Variants in ZNF773 observed in about 807,000 individuals in gnomAD.
ZNF773 encodes the protein zinc finger protein 773.
ZNF773 carries 11 observed loss-of-function variants against 12.8 expected under a neutral mutation model. The ratio of observed to expected loss-of-function variants is 0.86; its 90% CI spans 0.54 to 1.42. The LOEUF (loss-of-function observed/expected upper bound fraction) is 1.42. Among genes scored for constraint, ZNF773 ranks in the 40% most tolerant of loss-of-function variants. The pLI, the probability that ZNF773 is intolerant of heterozygous loss-of-function variation, is 0.00. For synonymous variants in ZNF773, 175 were observed against 178.4 expected (o/e 0.98, Z 0.15); for missense variants, 518 against 527.2 (o/e 0.98, Z 0.17).
chr19:57,516,102 A>G (rs549437055), downstream of ZNF773: 9 of 154,804 alleles, frequency 5.8e-5, no homozygotes, highest in South Asian at 1.6e-3. Flanking sequence ...TGACCATGGA[A>G]CGGGAGACTG....
chr19:57,505,343 T>C lies in ZNF773; in HGVS notation c.205T>C (p.Ser69Pro). 1 of 1,613,994 alleles carries C rather than the reference T, an allele frequency of 6.2e-7. No homozygotes were observed. The highest frequency in any genetic ancestry group is 8.5e-7 in the Non-Finnish European group (1 of 1,179,998). Residue 69 changes from serine (S) to proline (P), a missense_variant, in exon 3 of 4, where the codon TCA becomes CCA. Transcript: ENST00000282292. ...SKTHEITQLE[S>P]WEEPFMPAWE... ...GACCCATGAAATAACCCAGCTGGAG[T>C]CATGGGAGGAGCCCTTCATGCCTGC... is the stretch of plus-strand genomic sequence containing the variant.
chr19:57,506,384 G>A lies in ZNF773; in HGVS notation c.289G>A (p.Ala97Thr), dbSNP rs754446679. 5.0e-6 allele frequency: 8 copies of A among 1,611,548 alleles called. No individual in the cohort carries two copies. In the Admixed American group the frequency reaches 1.2e-4, roughly 24 times the overall value. The change falls in exon 4 of 4, where the codon GCA (alanine) becomes ACA (threonine). Residue 97 changes from alanine (A) to threonine (T), a missense_variant. Physicochemically the swap from Ala to Thr is moderately conservative, Grantham distance 58. Transcript: ENST00000282292. ...RGSWQGAKAE[A>T]AAEQSASVEV... Reference sequence around the variant, plus strand: ...TAGTTGGCAAGGAGCCAAGGCTGAGGCAGCTGCTGAGCAGAGTGCTTCTGT... The same window carrying A: ...TAGTTGGCAAGGAGCCAAGGCTGAGACAGCTGCTGAGCAGAGTGCTTCTGT...
chr19:57,504,035 T>A (rs2089698909), intron 1 of ZNF773, among the ~76,000 whole-genome samples: 1 of 151,948 alleles, frequency 6.6e-6, no homozygotes, highest in Non-Finnish European at 1.5e-5. Flanking sequence ...AATGGAAGAG[T>A]GCCACAGGTG....
Position 57,506,984 on chromosome 19 carries a change from C to G in ZNF773, c.889C>G (p.His297Asp). 3 of 1,614,164 alleles carry G rather than the reference C, an allele frequency of 1.9e-6. No individual in the cohort carries two copies. The East Asian group carries it at 6.7e-5, about 36-fold the overall frequency. ...CACACTTGTTCAGCATCACAGAATC[C>G]ACACTGGAGTAAGGCCTTATGAGTG... ...NSTLVQHHRI[H>D]TGVRPYECSE... is the part of the protein sequence containing the mutation. The change falls in exon 4 of 4, where the codon CAC becomes GAC. Residue 297 changes from histidine to aspartate, a missense_variant. Physicochemically the swap from His to Asp is moderately conservative, Grantham distance 81. Transcript: ENST00000282292.
chr19:57,507,513 A>G lies in ZNF773; in HGVS notation c.*89A>G. On this transcript the variant is annotated 3_prime_UTR_variant, in exon 4 of 4. Coordinates refer to ENST00000282292, the MANE Select transcript of ZNF773 (RefSeq NM_198542.3). ...AAAGTCTTGAAGGTTACTAATGGAA[A>G]TCCATTAGCTATACCTCCAAACTCA... The G allele has an allele frequency of 2.0e-6, 3 of 1,493,476 alleles. No homozygotes were observed. The highest frequency in any genetic ancestry group is 2.7e-6 in the Non-Finnish European group (3 of 1,126,998). The allele number at this position is 1,493,476 out of a possible 1,614,324, so 92.5% of individuals were successfully genotyped here.
chr19:57,500,798 A>C (rs1384947870), intron 1 of ZNF773, among the ~76,000 whole-genome samples: 4 of 152,102 alleles, frequency 2.6e-5, no homozygotes, highest in Admixed American at 2.6e-4. Context: ...CCCAGAGTGG[A>C]GGTGTCATGT....
At chr19:57,502,248 A>G (rs2089679220) in intron 1 of ZNF773, among the ~76,000 whole-genome samples, 1 of 152,084 alleles carries the variant, frequency 6.6e-6, no homozygotes, top group Admixed American at 6.6e-5. Flanking sequence ...GGCCCAGATT[A>G]TATGTTATAT....
At position 57,500,054 on chromosome 19, in the gene ZNF773, G is replaced by A; in HGVS notation, c.-27G>A. 2 of 1,580,672 alleles carry A rather than the reference G, an allele frequency of 1.3e-6. No individual in the cohort carries two copies. The highest frequency in any genetic ancestry group is 8.6e-7 in the Non-Finnish European group (1 of 1,165,140). The stretch of plus-strand genomic sequence containing the variant: ...CAGGGTGGCCCGGGCCCTTTCCTCG[G>A]TCGTTGTCTCACCGCCACAGGCTCC... On this transcript the variant is annotated 5_prime_UTR_variant, in exon 1 of 4. Transcript: ENST00000282292.
chr19:57,506,665 T>C lies in ZNF773; in HGVS notation c.570T>C (p.His190=). 2 of 1,614,244 alleles carry C rather than the reference T, an allele frequency of 1.2e-6. No homozygotes were observed. The highest frequency in any genetic ancestry group is 1.7e-6 in the Non-Finnish European group (2 of 1,180,046). ...SREAFHAGKR[H]YKCSECGKAF... is the part of the protein sequence containing the mutation. Reference sequence around the variant, plus strand: ...AGGCCTTTCATGCTGGAAAAAGGCATTACAAATGCAGTGAATGTGGGAAAG... The same window carrying C: ...AGGCCTTTCATGCTGGAAAAAGGCACTACAAATGCAGTGAATGTGGGAAAG... Residue 190 remains histidine (H), a synonymous_variant, in exon 4 of 4, where the codon CAT becomes CAC. Coordinates refer to ENST00000282292, the MANE Select transcript of ZNF773 (RefSeq NM_198542.3).
Position 57,505,537 on chromosome 19 carries a change from T to C in ZNF773, c.262+137T>C. Reference sequence around the variant, plus strand: ...CTGATTTCTATCTTTTCTTCCTCAGTCACCCATTTATATCTATTCTGATAG... The same window carrying C: ...CTGATTTCTATCTTTTCTTCCTCAGCCACCCATTTATATCTATTCTGATAG... On this transcript the variant is annotated intron_variant, in intron 3 of 3. Transcript: ENST00000282292. 2.9e-6 allele frequency: 3 copies of C among 1,021,164 alleles called. No homozygotes were observed. The South Asian group carries it at 3.8e-5, about 13-fold the overall frequency. 63.3% of individuals were successfully genotyped at this position (1,021,164 alleles called of 1,614,324 possible). A position where few individuals can be genotyped will look rare whatever the true frequency, so the allele number is the denominator to read the frequency against.
At chr19:57,512,719 C>G (rs2089805116), downstream of ZNF773, among the ~76,000 whole-genome samples, 1 of 152,158 alleles carries the variant, frequency 6.6e-6, no homozygotes, top group Admixed American at 6.5e-5. Context: ...TGTTGGCAAG[C>G]CTACAACTGT....
intron 3 of ZNF773, among the ~76,000 whole-genome samples, 191 bp from the exon 4 acceptor site, chr19:57,506,167 T>C (rs544348999): frequency 9.2e-5 from 14 of 152,270 alleles, no homozygotes; most frequent in African/African-American, 3.4e-4. Context: ...TTGGTGCTCA[T>C]GAGGCCTCCC....
intron 1 of ZNF773, among the ~76,000 whole-genome samples, chr19:57,504,153 T>C (rs985135441): frequency 6.6e-6 from 1 of 152,044 alleles, no homozygotes; most frequent in African/African-American, 2.4e-5. Context: ...GTCAGTGCCA[T>C]TGGAGGTCTA....
intron 1 of ZNF773, among the ~76,000 whole-genome samples, chr19:57,500,648 G>A (rs1217276804): frequency 6.6e-6 from 1 of 152,200 alleles, no homozygotes; most frequent in East Asian, 1.9e-4. Flanking sequence ...TGCATCAGAT[G>A]TGACTGTGAA....
chr19:57,500,095 G>A lies in ZNF773; in HGVS notation c.15G>A (p.Thr5=), dbSNP rs772735204. 7.5e-6 allele frequency: 12 copies of A among 1,605,308 alleles called. No individual in the cohort carries two copies. The highest frequency in any genetic ancestry group is 1.3e-5 in the African/African-American group (1 of 74,776). ...CACAGGCTCCGATGGCGGCGGCCAC[G>A]CTGAGGGACCCCGCTCAGGTGAGCG... The part of the protein sequence containing the change: MAAA[T]LRDPAQQGYV... The change falls in exon 1 of 4, where the codon ACG becomes ACA. Residue 5 remains threonine, a synonymous_variant. Coordinates refer to ENST00000282292, the MANE Select transcript of ZNF773 (RefSeq NM_198542.3).
chr19:57,515,055 T>C (rs556926591), downstream of ZNF773: 1 of 152,338 alleles, frequency 6.6e-6, no homozygotes, highest in South Asian at 2.1e-4. Context: ...GTTTTACAGC[T>C]CACCGCTTTA....
chr19:57,517,922 A>G (rs1431904220), downstream of ZNF773: 2 of 152,650 alleles, frequency 1.3e-5, no homozygotes, highest in African/African-American at 4.8e-5. Context: ...CAGCACCTCA[A>G]TGTCTTTTTT....
In ZNF773 at chr19:57,507,136, C is replaced by T. The variant is rs1420657574; in HGVS notation, c.1041C>T (p.Ile347=). The change falls in exon 4 of 4, where the codon ATC becomes ATT. Residue 347 remains isoleucine, a synonymous_variant. Transcript: ENST00000282292. The part of the protein sequence containing the change: ...GKFYSHKSSL[I]NHWRVHTGER... Reference sequence around the variant, plus strand: ...TCTATAGCCACAAGTCCAGCCTTATCAATCATTGGCGTGTTCACACTGGAG... The same window carrying T: ...TCTATAGCCACAAGTCCAGCCTTATTAATCATTGGCGTGTTCACACTGGAG... 6.2e-7 allele frequency: 1 copy of T among 1,612,198 alleles called. No homozygotes were observed. The highest frequency in any genetic ancestry group is 8.5e-7 in the Non-Finnish European group (1 of 1,179,600).
At chr19:57,504,851 G>A (rs1383723262) in intron 2 of ZNF773, 65 bp downstream of exon 2, 16 of 1,574,804 alleles carry the variant, frequency 1.0e-5, no homozygotes, top group Non-Finnish European at 1.3e-5. Flanking sequence ...TTTTCCTAGG[G>A]AGAGGTCTGT....
Sources: allele counts gnomAD v4.1 joint callset (sites outside exome capture counted in the v4.1 genomes callset), GRCh38; gene constraint gnomAD v4.1.1; transcripts MANE v1.5; gene names NCBI Gene and HGNC (gene_info 2026-07-23, HGNC 2026-07-21).